The following TENM4 variants were observed in gnomAD, a reference collection of about 807,000 sequenced individuals.
TENM4 encodes the protein teneurin-4.
Under a neutral mutation model 243.3 loss-of-function variants are expected in TENM4, and 82 were observed. The observed-to-expected ratio is 0.34, with a 90% CI of 0.28 to 0.40. The LOEUF (loss-of-function observed/expected upper bound fraction) is 0.40, where lower values mean the gene tolerates loss of function less well. Ranked by LOEUF, TENM4 falls within the 10% of genes least tolerant of loss-of-function variation. The probability of loss-of-function intolerance (pLI) is 1.00; values close to 1 mark genes in which losing one functional copy is unlikely to be tolerated. For missense variants in TENM4, 3,138 were observed against 3,673.3 expected, an observed-to-expected ratio of 0.85 and a Z score of 3.77; for synonymous variants, 1,412 against 1,456.3, an observed-to-expected ratio of 0.97 and a Z score of 0.69.
intron 7 of TENM4, among the ~76,000 whole-genome samples, chr11:78,901,686 A>G (rs1327174595): frequency 3.9e-5 from 6 of 152,136 alleles, no homozygotes; most frequent in South Asian, 2.1e-4. Flanking sequence ...CGGTCTTTCA[A>G]TGAGCACATT....
At chr11:79,406,666 A>T (rs1242787178) in intron 1 of TENM4, among the ~76,000 whole-genome samples, 2 of 152,244 alleles carry the variant, frequency 1.3e-5, no homozygotes, top group African/African-American at 4.8e-5. Context: ...ACACAGGAAT[A>T]AAAGAACCCA....
intron 2 of TENM4, among the ~76,000 whole-genome samples, chr11:79,228,822 A>C (rs1590810942): frequency 6.6e-6 from 1 of 152,314 alleles, no homozygotes; most frequent in Admixed American, 6.5e-5. Context: ...CCATATTAAC[A>C]CCTTTCATCA....
At chr11:79,161,500 A>T (rs1862745881) in intron 3 of TENM4, among the ~76,000 whole-genome samples, 1 of 152,210 alleles carries the variant, frequency 6.6e-6, no homozygotes, top group African/African-American at 2.4e-5. Flanking sequence ...CAGAAAGGAC[A>T]CACAAAGACA....
intron 1 of TENM4, among the ~76,000 whole-genome samples, chr11:79,311,230 G>A (rs915018532): frequency 1.3e-5 from 2 of 152,216 alleles, no homozygotes; most frequent in Admixed American, 1.3e-4. Context: ...ATCCTAAATG[G>A]ATGAGGCAGA....
chr11:78,657,185 G>T lies in TENM4; in HGVS notation c.*873C>A, dbSNP rs1857916171. 1 of 398,774 alleles carries T rather than the reference G, an allele frequency of 2.5e-6. No individual in the cohort carries two copies. The highest frequency in any genetic ancestry group is 4.4e-5 in the Admixed American group (1 of 22,738). The allele number at this position is 398,774 out of a possible 1,614,324, so 24.7% of individuals were successfully genotyped here. On this transcript the variant is annotated 3_prime_UTR_variant, in exon 34 of 34. Transcript: ENST00000278550. ...TCACATCTGGCTTTGGGAGAAAGGA[G>T]GAGATGAACAGGAACATCATGGAGG...
intron 1 of TENM4, among the ~76,000 whole-genome samples, chr11:79,389,832 A>G (rs542276985): frequency 6.6e-6 from 1 of 152,340 alleles, no homozygotes; most frequent in Admixed American, 6.5e-5. Flanking sequence ...CAGATTTGTG[A>G]AATGTGTTTT....
At chr11:78,750,947 T>C (rs1200126991) in intron 19 of TENM4, among the ~76,000 whole-genome samples, 1 of 152,098 alleles carries the variant, frequency 6.6e-6, no homozygotes, top group Admixed American at 6.5e-5. Flanking sequence ...TGGAGTGATC[T>C]CTGCTCTCTG....
chr11:78,779,896 A>C (rs1447507112), intron 16 of TENM4, among the ~76,000 whole-genome samples: 3 of 152,206 alleles, frequency 2.0e-5, no homozygotes, highest in African/African-American at 7.2e-5. Flanking sequence ...GATAGAACAG[A>C]TATTGTTGTT....
At position 79,430,368 on chromosome 11, in the gene TENM4, T is replaced by C. The variant is rs184186371; in HGVS notation, c.-321+10141A>G. 5.3e-4 allele frequency among the ~76,000 whole-genome samples: 81 copies of C among 152,268 alleles called. 2 individuals carry two copies. In the Middle Eastern group the frequency reaches 0.034, roughly 64 times the overall value. On this transcript the variant is annotated intron_variant, in intron 1 of 33. Coordinates refer to ENST00000278550, the MANE Select transcript of TENM4 (RefSeq NM_001098816.3). ...GATGGGAACAGAACTTCCAAACCTG[T>C]ACCAGAGAGAGCATAAGACTCAGAG...
intron 12 of TENM4, among the ~76,000 whole-genome samples, chr11:78,831,089 A>C (rs1331374981): frequency 6.6e-6 from 1 of 152,234 alleles, no homozygotes. Flanking sequence ...GGAGGCCTAG[A>C]GAAGTGAAAT....
intron 1 of TENM4, among the ~76,000 whole-genome samples, chr11:79,299,543 G>C (rs1511235): frequency 9.2e-5 from 14 of 152,080 alleles, no homozygotes; most frequent in Admixed American, 4.6e-4. Context: ...AGATTATATC[G>C]ATACTTATTT....
intron 4 of TENM4, among the ~76,000 whole-genome samples, chr11:79,110,471 C>T (rs79476074): frequency 6.6e-6 from 1 of 152,166 alleles, no homozygotes; most frequent in African/African-American, 2.4e-5. Flanking sequence ...TCCATAGCCC[C>T]GGAGGTGGAG....
intron 6 of TENM4, among the ~76,000 whole-genome samples, chr11:79,031,684 G>A (rs1054238081): frequency 6.6e-6 from 1 of 152,220 alleles, no homozygotes; most frequent in Non-Finnish European, 1.5e-5. Context: ...AGTGGGACTT[G>A]TGAGGCGGGC....
At position 78,741,889 on chromosome 11, in the gene TENM4, C is replaced by T. The variant is rs1855939050; in HGVS notation, c.2757-3319G>A. ...CACCGACTTGGCTTCCCAGCTAGCT[C>T]ATATGATCCTCTATTACCAGTCCTC... is the stretch of plus-strand genomic sequence containing the variant. On this transcript the variant is annotated intron_variant, in intron 19 of 33. Transcript: ENST00000278550. Among the ~76,000 whole-genome samples the T allele has an allele frequency of 2.0e-5, 3 of 152,184 alleles. No homozygotes were observed. In the South Asian group the frequency reaches 6.2e-4, roughly 32 times the overall value.
chr11:79,190,105 G>T (rs1863450469), intron 3 of TENM4, among the ~76,000 whole-genome samples: 1 of 152,184 alleles, frequency 6.6e-6, no homozygotes, highest in Non-Finnish European at 1.5e-5. Flanking sequence ...AAGGAAAAAA[G>T]AAATCCTCTA....
chr11:79,281,129 T>C (rs1856150033), intron 2 of TENM4, among the ~76,000 whole-genome samples: 3 of 152,200 alleles, frequency 2.0e-5, no homozygotes, highest in African/African-American at 7.2e-5. Context: ...ACCTCAGCCT[T>C]CCGGGAGCTT....
Position 79,388,193 on chromosome 11 carries a change from C to T in TENM4, c.-321+52316G>A, listed in dbSNP as rs200104205. ...AGAGATGTGAGTTCAACACAAGGAT[C>T]GACCCCAGAGCAAGGCTGGTTCAGA... On this transcript the variant is annotated intron_variant, in intron 1 of 33. Transcript: ENST00000278550. Among the ~76,000 whole-genome samples, 36 of 152,222 alleles carry T rather than the reference C, an allele frequency of 2.4e-4. No individual in the cohort carries two copies. In the East Asian group the frequency reaches 5.2e-3, roughly 22 times the overall value.
intron 17 of TENM4, among the ~76,000 whole-genome samples, chr11:78,773,315 G>T (rs1856677835): frequency 6.6e-6 from 1 of 152,154 alleles, no homozygotes; most frequent in Admixed American, 6.5e-5. Context: ...TATGACTCAG[G>T]CATGTTATTG....
chr11:78,709,134 A>AT (rs372114866), intron 26 of TENM4, among the ~76,000 whole-genome samples: 59,375 of 125,952 alleles, frequency 0.47, 14,381 homozygotes, highest in Non-Finnish European at 0.54. Context: ...TGCCTGGCTA[A>AT]TTTTTTTTTT....
Sources: allele counts gnomAD v4.1 joint callset (sites outside exome capture counted in the v4.1 genomes callset), GRCh38; gene constraint gnomAD v4.1.1; transcripts MANE v1.5; gene names NCBI Gene and HGNC (gene_info 2026-07-23, HGNC 2026-07-21).